COL25A1: variants seen among roughly 807,000 people sequenced by gnomAD.
COL25A1 encodes the protein collagen type XXV alpha 1 chain, also known as collagen alpha-1(XXV) chain.
COL25A1 carries 103 observed loss-of-function variants against 128.4 expected under a neutral mutation model. The ratio of observed to expected loss-of-function variants is 0.80; its 90% CI spans 0.68 to 0.94. The LOEUF is 0.94. Among genes scored for constraint, COL25A1 ranks in the 40% least tolerant of loss-of-function variants. The pLI is 0.00. For missense variants in COL25A1, 745 were observed against 840.0 expected (o/e 0.89, Z 1.40); for synonymous variants, 279 against 277.2 (o/e 1.01, Z -0.06).
intron 5 of COL25A1, among the ~76,000 whole-genome samples, chr4:109,045,295 C>G (rs1424603584): frequency 6.6e-6 from 1 of 152,108 alleles, no homozygotes; most frequent in Non-Finnish European, 1.5e-5. Context: ...GGATTTCTCA[C>G]TGAGCAGAGG....
At chr4:109,001,619 G>A (rs1755426064) in intron 6 of COL25A1, among the ~76,000 whole-genome samples, 1 of 152,192 alleles carries the variant, frequency 6.6e-6, no homozygotes, top group African/African-American at 2.4e-5. Context: ...TTGAATCTGA[G>A]CAGAAACTCA....
At chr4:108,950,027 A>G (rs1749222974) in intron 8 of COL25A1, among the ~76,000 whole-genome samples, 1 of 152,184 alleles carries the variant, frequency 6.6e-6, no homozygotes, top group Admixed American at 6.5e-5. Context: ...ACATGAAACA[A>G]GCAACTTCAA....
intron 3 of COL25A1, among the ~76,000 whole-genome samples, chr4:109,124,592 T>C (rs1187697254): frequency 6.6e-6 from 1 of 152,050 alleles, no homozygotes; most frequent in Non-Finnish European, 1.5e-5. Context: ...ATGGTTATCA[T>C]GCCTTTAAAA....
chr4:109,045,096 G>A (rs529638073), intron 5 of COL25A1, among the ~76,000 whole-genome samples: 1 of 152,220 alleles, frequency 6.6e-6, no homozygotes, highest in African/African-American at 2.4e-5. Flanking sequence ...TTAATGAATA[G>A]TAAATGTATT....
intron 3 of COL25A1, among the ~76,000 whole-genome samples, chr4:109,138,559 C>T (rs1457725811): frequency 4.6e-5 from 7 of 152,166 alleles, no homozygotes; most frequent in African/African-American, 1.7e-4. Flanking sequence ...GAGGAATTGC[C>T]ACACTGTCTT....
At chr4:109,006,249 T>C (rs1477678407) in intron 6 of COL25A1, among the ~76,000 whole-genome samples, 1 of 152,038 alleles carries the variant, frequency 6.6e-6, no homozygotes, top group East Asian at 1.9e-4. Context: ...GGTCTCACTC[T>C]GTTGCCCAGG....
chr4:108,815,280 T>C (rs1402537267), intron 37 of COL25A1, among the ~76,000 whole-genome samples: 1 of 152,166 alleles, frequency 6.6e-6, no homozygotes, highest in African/African-American at 2.4e-5. Context: ...CACTGTGCCC[T>C]ACAGCCTAAT....
Position 109,218,356 on chromosome 4 carries a change from GGTTT to G in COL25A1, c.367+82223_367+82226del, listed in dbSNP as rs1421116439. On this transcript the variant is annotated intron_variant, in intron 3 of 37. Transcript: ENST00000399132. ...GCAGAATCAATTGCTGGTTTTTTGG[GGTTT>G]TTTTTTTTTTTTTTTTTTTTTTGCT... is the stretch of plus-strand genomic sequence containing the variant. Among the ~76,000 whole-genome samples the G allele has an allele frequency of 4.3e-3, 433 of 100,376 alleles. 2 individuals carry two copies. In the South Asian group the frequency reaches 0.08, roughly 19 times the overall value. 65.9% of individuals were successfully genotyped at this position (100,376 alleles called of 152,430 possible).
chr4:109,299,004 T>C (rs1165102423), intron 3 of COL25A1, among the ~76,000 whole-genome samples: 1 of 152,240 alleles, frequency 6.6e-6, no homozygotes, highest in East Asian at 1.9e-4. Context: ...CAAGTTAGAC[T>C]TCAGTAGCTA....
At chr4:108,816,661 C>G (rs1019545476) in intron 37 of COL25A1, among the ~76,000 whole-genome samples, 1 of 152,106 alleles carries the variant, frequency 6.6e-6, no homozygotes, top group Admixed American at 6.6e-5. Flanking sequence ...GTGATACATA[C>G]TAGTTCTGTG....
chr4:108,936,095 A>C (rs1747370385), intron 11 of COL25A1, among the ~76,000 whole-genome samples: 1 of 152,204 alleles, frequency 6.6e-6, no homozygotes, highest in Non-Finnish European at 1.5e-5. Context: ...AATTAATTTC[A>C]AAATTTTATT....
chr4:109,123,641 C>A (rs958523357), intron 3 of COL25A1, among the ~76,000 whole-genome samples: 3 of 151,958 alleles, frequency 2.0e-5, no homozygotes, highest in African/African-American at 7.2e-5. Flanking sequence ...TTAAGAAGTA[C>A]AGCATTTCAC....
chr4:109,050,942 G>A (rs925940879), intron 3 of COL25A1, among the ~76,000 whole-genome samples: 1 of 150,414 alleles, frequency 6.6e-6, no homozygotes, highest in Non-Finnish European at 1.5e-5. Flanking sequence ...ATCAGACTTC[G>A]CACAAGATTC....
At chr4:109,057,967 G>A (rs1761604056) in intron 3 of COL25A1, among the ~76,000 whole-genome samples, 1 of 152,090 alleles carries the variant, frequency 6.6e-6, no homozygotes, top group African/African-American at 2.4e-5. Flanking sequence ...TAAAAGAAAT[G>A]GATTTCCGAA....
rs557130685 is a variant in COL25A1 at position 109,197,091 on chromosome 4, C to A, written c.367+103492G>T. On this transcript the variant is annotated intron_variant, in intron 3 of 37. Transcript: ENST00000399132. ...CCAGCATTTTGGGAGGCTAAGGTGG[C>A]AAGATCACTTGAGCTCAGGAGCTTG... is the stretch of plus-strand genomic sequence containing the variant. Among the ~76,000 whole-genome samples the A allele has an allele frequency of 2.2e-3, 338 of 151,564 alleles. 1 individual carries two copies. The highest frequency in any genetic ancestry group is 7.5e-3 in the African/African-American group (311 of 41,308).
In COL25A1 at chr4:108,810,308, C is replaced by G. The variant is rs531288587; in HGVS notation, c.*3619G>C. ...GATTTGACAATTTTCTAAACTAGCA[C>G]ATATGTCTATATAGATAGATAGTTA... On this transcript the variant is annotated 3_prime_UTR_variant, in exon 38 of 38. Coordinates refer to ENST00000399132, the MANE Select transcript of COL25A1 (RefSeq NM_198721.4). 6.6e-6 allele frequency: 1 copy of G among 151,936 alleles called. No homozygotes were observed. The highest frequency in any genetic ancestry group is 1.9e-4 in the East Asian group (1 of 5,190). The allele number at this position is 151,936 out of a possible 1,614,324, so 9.4% of individuals were successfully genotyped here.
intron 37 of COL25A1, among the ~76,000 whole-genome samples, chr4:108,815,263 C>T (rs966925332): frequency 6.6e-6 from 1 of 152,160 alleles, no homozygotes; most frequent in Non-Finnish European, 1.5e-5. Flanking sequence ...GTCAAGCAAA[C>T]ATTTGCCACT....
At chr4:108,902,559 C>T (rs1191619125) in intron 13 of COL25A1, among the ~76,000 whole-genome samples, 1 of 151,814 alleles carries the variant, frequency 6.6e-6, no homozygotes. Flanking sequence ...TGTGTAGAAA[C>T]CTGAATTAAA....
At position 109,196,399 on chromosome 4, in the gene COL25A1, A is replaced by C. The variant is rs184210074; in HGVS notation, c.367+104184T>G. On this transcript the variant is annotated intron_variant, in intron 3 of 37. Coordinates refer to ENST00000399132, the MANE Select transcript of COL25A1 (RefSeq NM_198721.4). ...TATGCATTATAACATGCATATGTGA[A>C]TGTGTGTATATATGTGTATATATGT... 2.9e-3 allele frequency among the ~76,000 whole-genome samples: 440 copies of C among 152,206 alleles called. 2 individuals are homozygous for C. Among genetic ancestry groups the C allele is most frequent in the African/African-American group, 0.01 (418 of 41,550 alleles).
Sources: allele counts gnomAD v4.1 joint callset (sites outside exome capture counted in the v4.1 genomes callset), GRCh38; gene constraint gnomAD v4.1.1; transcripts MANE v1.5; gene names NCBI Gene and HGNC (gene_info 2026-07-23, HGNC 2026-07-21).